The following ADGRL2 variants were observed in gnomAD, a reference collection of about 807,000 sequenced individuals.
ADGRL2 encodes the protein adhesion G protein-coupled receptor L2, also known as calcium-independent alpha-latrotoxin receptor 2.
In ADGRL2, 44 loss-of-function variants were observed where a neutral mutation model predicts 157.4. That is an observed-to-expected ratio of 0.28 (90% CI 0.22 to 0.36). The LOEUF is 0.36. ADGRL2 is among the 10% of genes least tolerant of loss of function. ADGRL2 has a pLI of 1.00. For synonymous variants in ADGRL2, 585 were observed against 624.7 expected (o/e 0.94, Z 0.95); for missense variants, 1,510 against 1,768.9 (o/e 0.85, Z 2.63).
At position 81,313,234 on chromosome 1, in the gene ADGRL2, C is replaced by T. The variant is rs532297595; in HGVS notation, c.-302+6725C>T. On this transcript the variant is annotated intron_variant, in intron 1 of 24. Transcript: ENST00000370721. Reference sequence around the variant, plus strand: ...AAAAGAGATTTATGGGACATCAAAGCGCTGATCCTAACCTGTTACTAACAA... The same window carrying T: ...AAAAGAGATTTATGGGACATCAAAGTGCTGATCCTAACCTGTTACTAACAA... Among the ~76,000 whole-genome samples, 30 of 152,228 alleles carry T rather than the reference C, an allele frequency of 2.0e-4. No individual in the cohort carries two copies. The East Asian group carries it at 5.4e-3, about 27-fold the overall frequency.
At chr1:81,960,130 T>C (rs1009418890) in intron 11 of ADGRL2, among the ~76,000 whole-genome samples, 1 of 152,184 alleles carries the variant, frequency 6.6e-6, no homozygotes, top group Non-Finnish European at 1.5e-5. Flanking sequence ...TTATTTCTCT[T>C]TGCATACTAA....
intron 4 of ADGRL2, among the ~76,000 whole-genome samples, chr1:81,941,367 C>T (rs186921512): frequency 6.4e-4 from 96 of 150,980 alleles, no homozygotes; most frequent in Middle Eastern, 3.4e-3. Context: ...TTGATATATT[C>T]CTAAAGAGGA....
chr1:81,773,832 C>A (rs1207533309), intron 2 of ADGRL2, among the ~76,000 whole-genome samples: 1 of 152,058 alleles, frequency 6.6e-6, no homozygotes, highest in East Asian at 1.9e-4. Context: ...ACACCTAGTA[C>A]CTCAGAGTGT....
At chr1:81,852,957 A>AT (rs2093068500) in intron 2 of ADGRL2, among the ~76,000 whole-genome samples, 1 of 152,236 alleles carries the variant, frequency 6.6e-6, no homozygotes, top group Non-Finnish European at 1.5e-5. Context: ...AAAAATCAAC[A>AT]TTTTTTTGGT....
At chr1:81,938,846 G>T (rs894738697) in intron 4 of ADGRL2, among the ~76,000 whole-genome samples, 3 of 151,150 alleles carry the variant, frequency 2.0e-5, no homozygotes, top group African/African-American at 7.3e-5. Flanking sequence ...CTCACCTTTT[G>T]TTTCTTTCTA....
chr1:81,902,735 T>A (rs913928196), intron 2 of ADGRL2, among the ~76,000 whole-genome samples: 2 of 152,198 alleles, frequency 1.3e-5, no homozygotes, highest in Non-Finnish European at 2.9e-5. Context: ...CCCATTCCCA[T>A]CATGGCCACA....
At position 81,992,110 on chromosome 1, in the gene ADGRL2, C is replaced by T. The variant is rs895849856; in HGVS notation, c.*965C>T. On this transcript the variant is annotated 3_prime_UTR_variant, in exon 24 of 24. Coordinates refer to ENST00000686636, the MANE Select transcript of ADGRL2 (RefSeq NM_001366006.2). ...AAATCTAGAAAAGATTGTGTGTCAC[C>T]CCTGTTTATTCTTGAACAGAGGGCA... 1 of 152,450 alleles carries T rather than the reference C, an allele frequency of 6.6e-6. No homozygotes were observed. Among genetic ancestry groups the T allele is most frequent in the African/African-American group, 2.4e-5 (1 of 41,394 alleles). 9.4% of individuals were successfully genotyped at this position (152,450 alleles called of 1,614,324 possible).
At chr1:81,869,003 A>G (rs555934130) in intron 2 of ADGRL2, among the ~76,000 whole-genome samples, 6 of 152,264 alleles carry the variant, frequency 3.9e-5, no homozygotes, top group East Asian at 1.9e-4. Context: ...TAAATGATCA[A>G]TATGTGGATT....
upstream of ADGRL2, among the ~76,000 whole-genome samples, chr1:81,699,103 C>T (rs1036762748): frequency 5.9e-5 from 9 of 152,244 alleles, no homozygotes; most frequent in South Asian, 1.2e-3. Context: ...ACATACACAG[C>T]GATATTCATT....
intron 3 of ADGRL2, among the ~76,000 whole-genome samples, chr1:81,655,712 G>T (rs1000971065): frequency 1.3e-5 from 2 of 151,990 alleles, no homozygotes; most frequent in South Asian, 4.2e-4. Context: ...CCTATGAGAG[G>T]CTGTCTTCTT....
rs147372121 is a variant in ADGRL2 at position 81,979,089 on chromosome 1, CAAA to C, written c.3022-778_3022-776del. 9.3e-3 allele frequency among the ~76,000 whole-genome samples: 1,409 copies of C among 151,828 alleles called. 18 individuals are homozygous for C. Among genetic ancestry groups the C allele is most frequent in the African/African-American group, 0.032 (1,344 of 41,498 alleles). ...AAATTACCAACCTTTGTCTCTCAGT[CAAA>C]ACACAGCTCCTTTTCCTCTGAGCAA... On this transcript the variant is annotated intron_variant, in intron 17 of 23. Coordinates refer to ENST00000686636, the MANE Select transcript of ADGRL2 (RefSeq NM_001366006.2).
At chr1:81,818,271 G>A (rs1425118847) in intron 1 of ADGRL2, among the ~76,000 whole-genome samples, 1 of 152,152 alleles carries the variant, frequency 6.6e-6, no homozygotes, top group East Asian at 1.9e-4. Context: ...AGTATGTTAT[G>A]CTTTTGTAGT....
chr1:81,368,740 C>T (rs2076110367), intron 1 of ADGRL2, among the ~76,000 whole-genome samples: 1 of 152,148 alleles, frequency 6.6e-6, no homozygotes. Context: ...GTCCCACTAC[C>T]TCTATGCTGG....
At chr1:81,727,317 C>T (rs183330734) in intron 1 of ADGRL2, among the ~76,000 whole-genome samples, 242 of 152,060 alleles carry the variant, frequency 1.6e-3, no homozygotes, top group African/African-American at 5.4e-3. Flanking sequence ...TCTATAATCC[C>T]GTCACACAGA....
At chr1:81,409,474 A>G (rs993842508) in intron 1 of ADGRL2, among the ~76,000 whole-genome samples, 11 of 152,222 alleles carry the variant, frequency 7.2e-5, no homozygotes. Context: ...GGCACAGAAG[A>G]TAGTCACATG....
intron 2 of ADGRL2, among the ~76,000 whole-genome samples, chr1:81,536,520 C>T (rs1306044301): frequency 4.6e-5 from 7 of 152,192 alleles, no homozygotes; most frequent in Non-Finnish European, 1.0e-4. Flanking sequence ...AATGGGGAAT[C>T]AGCTGCCACA....
At chr1:81,835,848 G>A (rs2092249696) in intron 1 of ADGRL2, among the ~76,000 whole-genome samples, 2 of 151,994 alleles carry the variant, frequency 1.3e-5, no homozygotes, top group South Asian at 4.2e-4. Flanking sequence ...TATTTTTGTT[G>A]TGTTCTTAAT....
chr1:81,731,129 CT>C (rs1450817975), intron 1 of ADGRL2, among the ~76,000 whole-genome samples: 11 of 152,194 alleles, frequency 7.2e-5, no homozygotes, highest in Non-Finnish European at 1.3e-4. Context: ...AAGCCATTGT[CT>C]GAGCTAGCCT....
chr1:81,628,839 C>T (rs762097293), intron 3 of ADGRL2, among the ~76,000 whole-genome samples: 1 of 152,138 alleles, frequency 6.6e-6, no homozygotes, highest in Non-Finnish European at 1.5e-5. Flanking sequence ...AGTTGTTTTA[C>T]TTTACAAATA....
Sources: gnomAD v4.1 joint callset for allele counts (sites outside exome capture counted in the v4.1 genomes callset) on GRCh38, gnomAD v4.1.1 for gene constraint, MANE v1.5 for transcripts, NCBI Gene and HGNC (gene_info 2026-07-23, HGNC 2026-07-21) for gene names.